Variants in ZNRF1 observed in about 807,000 individuals in gnomAD.
The protein encoded by ZNRF1 is zinc and ring finger 1.
A neutral mutation model predicts 18.4 loss-of-function variants in ZNRF1; 3 were observed. The observed-to-expected ratio is 0.16, with a 90% CI of 0.07 to 0.42. The LOEUF (loss-of-function observed/expected upper bound fraction) is 0.42, where lower values mean the gene tolerates loss of function less well. Among genes scored for constraint, ZNRF1 ranks in the 10% least tolerant of loss-of-function variants. ZNRF1 has a pLI of 0.99. For synonymous variants in ZNRF1, 157 were observed against 144.2 expected (o/e 1.09, Z -0.64); for missense variants, 310 against 329.8 (o/e 0.94, Z 0.47).
rs1196679114 is a variant in ZNRF1 at position 75,051,045 on chromosome 16, AAAAAC to A, written c.425-42521_425-42517del. On this transcript the variant is annotated intron_variant, in intron 1 of 4. Coordinates refer to ENST00000335325, the MANE Select transcript of ZNRF1 (RefSeq NM_032268.5). ...TTGTCGCTACAAAAAGAAAAAAAAAAAAAACAAAACCTGGGTGTCGTGGCACATGC... is the reference window on the plus strand; with the variant it reads ...TTGTCGCTACAAAAAGAAAAAAAAAAAAAACCTGGGTGTCGTGGCACATGC... Among the ~76,000 whole-genome samples, 163 of 71,084 alleles carry A rather than the reference AAAAAC, an allele frequency of 2.3e-3. 1 individual carries two copies. The highest frequency in any genetic ancestry group is 0.012 in the Middle Eastern group (2 of 170). 46.6% of individuals were successfully genotyped at this position (71,084 alleles called of 152,430 possible). A position where few individuals can be genotyped will look rare whatever the true frequency, so the allele number is the denominator to read the frequency against.
chr16:75,107,200 C>T (rs1364117326), intron 4 of ZNRF1: 1 of 174,546 alleles, frequency 5.7e-6, no homozygotes, highest in African/African-American at 2.4e-5. Flanking sequence ...CTCCCCATTT[C>T]TCCCCCAGGG....
chr16:75,014,255 A>G (rs1406127732), intron 1 of ZNRF1, among the ~76,000 whole-genome samples: 1 of 151,924 alleles, frequency 6.6e-6, no homozygotes, highest in African/African-American at 2.4e-5. Flanking sequence ...GCTTATTCCC[A>G]TTTTCTCTTT....
intron 1 of ZNRF1, among the ~76,000 whole-genome samples, chr16:75,016,385 C>T (rs1186824855): frequency 6.7e-6 from 1 of 149,540 alleles, no homozygotes; most frequent in Non-Finnish European, 1.5e-5. Flanking sequence ...ATTACAGGCA[C>T]ACGCCACCAC....
chr16:75,008,747 A>G (rs903581250), intron 1 of ZNRF1, among the ~76,000 whole-genome samples: 1 of 152,180 alleles, frequency 6.6e-6, no homozygotes, highest in African/African-American at 2.4e-5. Flanking sequence ...TCACTCCTTA[A>G]GAGTCTGAAT....
At chr16:75,101,268 C>T (rs2036251917) in intron 2 of ZNRF1, among the ~76,000 whole-genome samples, 1 of 152,168 alleles carries the variant, frequency 6.6e-6, no homozygotes, top group South Asian at 2.1e-4. Context: ...TAGAGAACAC[C>T]CTTATTGCTG....
intron 2 of ZNRF1, among the ~76,000 whole-genome samples, chr16:75,099,073 G>A (rs544118496): frequency 4.1e-4 from 63 of 152,136 alleles, no homozygotes; most frequent in Admixed American, 7.9e-4. Flanking sequence ...CCTGTGAGAC[G>A]GGTGGTGTTT....
In ZNRF1 at chr16:75,109,793, C is replaced by T. The variant is rs1469864347; in HGVS notation, c.*2093C>T. On this transcript the variant is annotated 3_prime_UTR_variant, in exon 5 of 5. Coordinates refer to ENST00000335325, the MANE Select transcript of ZNRF1 (RefSeq NM_032268.5). ...CCCTGTGGGGGCTGGGGGAGCTGCC[C>T]TGCAGGTCTTGGCACATGCACAGCA... 6.6e-6 allele frequency: 1 copy of T among 152,308 alleles called. No individual in the cohort carries two copies. The highest frequency in any genetic ancestry group is 6.5e-5 in the Admixed American group (1 of 15,286). The allele number at this position is 152,308 out of a possible 1,614,324, so 9.4% of individuals were successfully genotyped here. A position where few individuals can be genotyped will look rare whatever the true frequency, so the allele number is the denominator to read the frequency against.
intron 1 of ZNRF1, among the ~76,000 whole-genome samples, chr16:75,092,831 A>G (rs1282206269): frequency 6.6e-6 from 1 of 152,148 alleles, no homozygotes; most frequent in African/African-American, 2.4e-5. Flanking sequence ...TGGGTGAGGG[A>G]TGAGATTCCT....
chr16:74,999,777 C>G lies in ZNRF1; in HGVS notation c.106C>G (p.His36Asp). Residue 36 changes from histidine to aspartate, a missense_variant, in exon 1 of 5, where the codon CAC becomes GAC. His to Asp is a moderately conservative substitution (Grantham distance 81). Coordinates refer to ENST00000335325, the MANE Select transcript of ZNRF1 (RefSeq NM_032268.5). ...PPPGGAPHFG[H>D]YRTGGGAMGL... is the part of the protein sequence containing the mutation. ...GCCGGGAGGGGCGCCCCATTTCGGGCACTACCGGACGGGCGGCGGGGCCAT... is the reference window on the plus strand; with the variant it reads ...GCCGGGAGGGGCGCCCCATTTCGGGGACTACCGGACGGGCGGCGGGGCCAT... 7.1e-7 allele frequency: 1 copy of G among 1,401,376 alleles called. No individual in the cohort carries two copies. Among genetic ancestry groups the G allele is most frequent in the Non-Finnish European group, 9.2e-7 (1 of 1,084,052 alleles). The allele number at this position is 1,401,376 out of a possible 1,614,324, so 86.8% of individuals were successfully genotyped here. A position where few individuals can be genotyped will look rare whatever the true frequency, so the allele number is the denominator to read the frequency against.
chr16:75,022,616 TTTAAA>T lies in ZNRF1; in HGVS notation c.424+22525_424+22529del, dbSNP rs375114610. The stretch of plus-strand genomic sequence containing the variant: ...AAATTAATTAAAATAAATAAATAAA[TTTAAA>T]TTAGTGAAAATTAATGAACAAAATT... On this transcript the variant is annotated intron_variant, in intron 1 of 4. Transcript: ENST00000335325. 1.1e-4 allele frequency among the ~76,000 whole-genome samples: 17 copies of T among 152,118 alleles called. 2 individuals are homozygous for T. Among genetic ancestry groups the T allele is most frequent in the South Asian group, 1.0e-3 (5 of 4,822 alleles).
chr16:75,049,397 G>C (rs920212725), intron 1 of ZNRF1, among the ~76,000 whole-genome samples: 1 of 151,698 alleles, frequency 6.6e-6, no homozygotes, highest in Non-Finnish European at 1.5e-5. Context: ...CACGATCATA[G>C]CTTACTGCAG....
At chr16:75,043,127 C>G (rs2035471184) in intron 1 of ZNRF1, among the ~76,000 whole-genome samples, 1 of 152,206 alleles carries the variant, frequency 6.6e-6, no homozygotes, top group Non-Finnish European at 1.5e-5. Flanking sequence ...CATTTATCAT[C>G]TCTCCTCTTT....
chr16:75,026,624 G>A (rs921421815), intron 1 of ZNRF1, among the ~76,000 whole-genome samples: 10 of 152,040 alleles, frequency 6.6e-5, no homozygotes, highest in Non-Finnish European at 1.0e-4. Flanking sequence ...AAAGTAGATC[G>A]TAACAGTAGT....
Position 75,042,713 on chromosome 16 carries a change from A to G in ZNRF1, c.424+42618A>G, listed in dbSNP as rs116446321. Among the ~76,000 whole-genome samples the G allele has an allele frequency of 6.9e-3, 1,049 of 152,236 alleles. 8 individuals are homozygous for G. Among genetic ancestry groups the G allele is most frequent in the African/African-American group, 0.024 (1,004 of 41,546 alleles). ...TTCAAAATAATGTTGGGTTTTGACT[A>G]TCCTAGGTCCTTTGCATTTCCATGT... is the stretch of plus-strand genomic sequence containing the variant. On this transcript the variant is annotated intron_variant, in intron 1 of 4. Coordinates refer to ENST00000335325, the MANE Select transcript of ZNRF1 (RefSeq NM_032268.5).
chr16:75,097,594 G>A (rs369855212), intron 2 of ZNRF1, among the ~76,000 whole-genome samples: 1 of 152,160 alleles, frequency 6.6e-6, no homozygotes, highest in East Asian at 1.9e-4. Flanking sequence ...TTGGGGAACC[G>A]AGATTGCTTG....
rs2034798675 is a variant in ZNRF1, at chr16:74,999,158, C to G, written c.-514C>G. 6.8e-6 allele frequency: 1 copy of G among 146,962 alleles called. No homozygotes were observed. Among genetic ancestry groups the G allele is most frequent in the African/African-American group, 2.4e-5 (1 of 40,926 alleles). The allele number at this position is 146,962 out of a possible 1,614,324, so 9.1% of individuals were successfully genotyped here. The stretch of plus-strand genomic sequence containing the variant: ...CCGCGGCTTCCCGAGCTGCGCCTGG[C>G]CGCCCAGCGCCGCGGCCCGCCCGAG... On this transcript the variant is annotated 5_prime_UTR_variant, in exon 1 of 5. Transcript: ENST00000335325.
At chr16:75,004,997 G>A (rs148699768) in intron 1 of ZNRF1, among the ~76,000 whole-genome samples, 1 of 152,330 alleles carries the variant, frequency 6.6e-6, no homozygotes, top group African/African-American at 2.4e-5. Context: ...GGGTTCTCAA[G>A]TGATTTAATT....
At chr16:75,005,777 T>C (rs1238603474) in intron 1 of ZNRF1, among the ~76,000 whole-genome samples, 2 of 152,218 alleles carry the variant, frequency 1.3e-5, no homozygotes, top group South Asian at 2.1e-4. Flanking sequence ...ATAAAAGTTA[T>C]GTGAATGTGT....
At chr16:75,012,067 T>G (rs1315245475) in intron 1 of ZNRF1, among the ~76,000 whole-genome samples, 1 of 152,108 alleles carries the variant, frequency 6.6e-6, no homozygotes, top group Non-Finnish European at 1.5e-5. Flanking sequence ...TTGGTAGCTG[T>G]TGGGGGAGGG....
Sources: gnomAD v4.1 joint callset for allele counts (sites outside exome capture counted in the v4.1 genomes callset) on GRCh38, gnomAD v4.1.1 for gene constraint, MANE v1.5 for transcripts, NCBI Gene and HGNC (gene_info 2026-07-23, HGNC 2026-07-21) for gene names.